Variants in GFPT1 observed in about 807,000 individuals in gnomAD.
GFPT1 encodes the protein glutamine--fructose-6-phosphate transaminase 1, also known as glutamine--fructose-6-phosphate aminotransferase [isomerizing] 1.
A neutral mutation model predicts 92.0 loss-of-function variants in GFPT1; 40 were observed. That is an observed-to-expected ratio of 0.43 (90% CI 0.34 to 0.57). The LOEUF is 0.57. Ranked by LOEUF, GFPT1 falls within the 20% of genes least tolerant of loss-of-function variation. The pLI is 0.02. For synonymous variants in GFPT1, 269 were observed against 280.6 expected, an observed-to-expected ratio of 0.96 and a Z score of 0.41; for missense variants, 448 against 869.1, an observed-to-expected ratio of 0.52 and a Z score of 6.09.
At chr2:69,383,504 T>C (rs1672058287) in intron 1 of GFPT1, among the ~76,000 whole-genome samples, 1 of 152,234 alleles carries the variant, frequency 6.6e-6, no homozygotes, top group African/African-American at 2.4e-5. Context: ...CATTAGACAG[T>C]ATAATTACAA....
chr2:69,356,436 G>A (rs1027143363), intron 7 of GFPT1, 60 bp downstream of exon 7: 5 of 1,168,804 alleles, frequency 4.3e-6, no homozygotes, highest in Non-Finnish European at 6.5e-6. Flanking sequence ...AGTCTACGAA[G>A]AATAAACATG....
intron 15 of GFPT1, among the ~76,000 whole-genome samples, chr2:69,330,528 T>C (rs1317761292): frequency 6.6e-6 from 1 of 150,754 alleles, no homozygotes; most frequent in Non-Finnish European, 1.5e-5. Context: ...GATTTCCACC[T>C]TTGCCTATTG....
chr2:69,347,603 G>A (rs1016652085), intron 11 of GFPT1, among the ~76,000 whole-genome samples: 7 of 151,324 alleles, frequency 4.6e-5, no homozygotes, highest in South Asian at 2.1e-4. Flanking sequence ...TCAGCCTCCC[G>A]AGTAGCTGGG....
At chr2:69,349,926 C>T (rs1313922066) in intron 10 of GFPT1, 152 bp downstream of exon 10, 1 of 672,936 alleles carries the variant, frequency 1.5e-6, no homozygotes, top group African/African-American at 1.8e-5. Flanking sequence ...AGTGTCCTTA[C>T]AGCCCCATCT....
At position 69,339,965 on chromosome 2, in the gene GFPT1, T is replaced by G. The variant is rs916802631; in HGVS notation, c.1204-1400A>C. Reference sequence around the variant, plus strand: ...ATGTAAACCAAACCTTTTCACCCAGTTTATAATATAAATGTTACATTGGAA... The same window carrying G: ...ATGTAAACCAAACCTTTTCACCCAGGTTATAATATAAATGTTACATTGGAA... On this transcript the variant is annotated intron_variant, in intron 13 of 19. Coordinates refer to ENST00000357308, the MANE Select transcript of GFPT1 (RefSeq NM_001244710.2). Among the ~76,000 whole-genome samples the G allele has an allele frequency of 5.3e-5, 8 of 152,138 alleles. No homozygotes were observed. The East Asian group carries it at 1.5e-3, about 29-fold the overall frequency.
intron 17 of GFPT1, among the ~76,000 whole-genome samples, 170 bp downstream of exon 17, chr2:69,329,127 T>C (rs755485303): frequency 6.6e-6 from 1 of 152,232 alleles, no homozygotes; most frequent in Non-Finnish European, 1.5e-5. Flanking sequence ...GATTTTCACT[T>C]CTGAACAGAG....
Position 69,363,553 on chromosome 2 carries a change from T to C in GFPT1, c.341A>G (p.Lys114Arg). 6.2e-7 allele frequency: 1 copy of C among 1,614,164 alleles called. No individual in the cohort carries two copies. Among genetic ancestry groups the C allele is most frequent in the Non-Finnish European group, 8.5e-7 (1 of 1,179,980 alleles). The stretch of plus-strand genomic sequence containing the variant: ...AAAAAATCTTTCCATACCATTATTT[T>C]TATCAGAGCGCTGGGGGTGGCTATT... ...PVNSHPQRSD[K>R]NNEFIVIHNG... is the part of the protein sequence containing the mutation. Residue 114 changes from lysine (K) to arginine (R), a missense_variant, in exon 4 of 20, where the codon AAA becomes AGA. Lys to Arg is a conservative substitution (Grantham distance 26). Coordinates refer to ENST00000357308, the MANE Select transcript of GFPT1 (RefSeq NM_001244710.2).
intron 2 of GFPT1, among the ~76,000 whole-genome samples, chr2:69,371,815 C>T (rs1168468455): frequency 6.7e-6 from 1 of 148,798 alleles, no homozygotes; most frequent in African/African-American, 2.5e-5. Context: ...CCAGGCTGGG[C>T]GACAGAGCAA....
chr2:69,329,717 T>C lies in GFPT1; in HGVS notation c.1564A>G (p.Lys522Glu), dbSNP rs1670615912. The C allele has an allele frequency of 1.2e-6, 2 of 1,612,690 alleles. No homozygotes were observed. The highest frequency in any genetic ancestry group is 1.7e-5 in the Admixed American group (1 of 59,998). Residue 522 changes from lysine (K) to glutamate (E), a missense_variant, in exon 16 of 20, where the codon AAA (lysine) becomes GAA (glutamate). Physicochemically the swap from Lys to Glu is moderately conservative, Grantham distance 56. This residue lies in a region of GFPT1 where 73 missense variants were observed against 103.5 expected (regional missense o/e 0.71). Transcript: ENST00000357308. ...DDRISMQERR[K>E]EIMLGLKRLP... ...CGTTTCAATCCAAGCATGATCTCTT[T>C]GCGTCTTTCTTGCATGGAGATCCGA...
chr2:69,371,538 T>A (rs987668988), intron 2 of GFPT1: 1 of 151,890 alleles, frequency 6.6e-6, no homozygotes, highest in African/African-American at 2.4e-5. Context: ...AAAATTAAAA[T>A]TAAAAATAAA....
intron 1 of GFPT1, among the ~76,000 whole-genome samples, chr2:69,383,533 A>G (rs1173539652): frequency 6.6e-6 from 1 of 152,240 alleles, no homozygotes; most frequent in Non-Finnish European, 1.5e-5. Context: ...TGAAAAATTC[A>G]TTTTAGGATA....
intron 2 of GFPT1, among the ~76,000 whole-genome samples, chr2:69,370,367 T>C (rs1363529692): frequency 1.3e-5 from 2 of 152,132 alleles, no homozygotes; most frequent in Admixed American, 6.6e-5. Context: ...TAATTCAGCG[T>C]GATTATGAAT....
intron 6 of GFPT1, among the ~76,000 whole-genome samples, chr2:69,358,065 CAT>C (rs1671383223): frequency 6.6e-6 from 1 of 152,028 alleles, no homozygotes; most frequent in Non-Finnish European, 1.5e-5. Context: ...TGCATATATG[CAT>C]AGTTTTTAGA....
At chr2:69,368,960 A>T (rs1217081636) in intron 3 of GFPT1, among the ~76,000 whole-genome samples, 1 of 152,152 alleles carries the variant, frequency 6.6e-6, no homozygotes. Context: ...TCACTGACCA[A>T]ATATAATCAG....
At chr2:69,332,332 GAC>G (rs1670684823) in intron 15 of GFPT1, among the ~76,000 whole-genome samples, 1 of 127,514 alleles carries the variant, frequency 7.8e-6, no homozygotes, top group Non-Finnish European at 1.6e-5. Flanking sequence ...TTTTTTTTGA[GAC>G]ACAGTTTTGC....
intron 1 of GFPT1, among the ~76,000 whole-genome samples, chr2:69,374,454 C>G (rs889920156): frequency 6.6e-6 from 1 of 151,976 alleles, no homozygotes; most frequent in Non-Finnish European, 1.5e-5. Context: ...GCTGGGACTA[C>G]AGGTGCCTGC....
At chr2:69,358,571 G>T in intron 5 of GFPT1, 108 bp from the exon 6 acceptor site, 2 of 767,446 alleles carry the variant, frequency 2.6e-6, no homozygotes, top group Admixed American at 2.1e-5. Context: ...AATATTCTTT[G>T]AACACCATAT....
chr2:69,336,572 G>A (rs367850414), intron 15 of GFPT1, among the ~76,000 whole-genome samples: 1 of 150,234 alleles, frequency 6.7e-6, no homozygotes, highest in Admixed American at 6.6e-5. Context: ...GAAAAATATT[G>A]AGAAAACAAA....
intron 1 of GFPT1, among the ~76,000 whole-genome samples, chr2:69,383,212 T>C (rs1355994196): frequency 2.0e-5 from 3 of 152,198 alleles, no homozygotes; most frequent in African/African-American, 7.2e-5. Context: ...TAAAGTTAGG[T>C]ATATATTTAG....
Sources: allele counts gnomAD v4.1 joint callset (sites outside exome capture counted in the v4.1 genomes callset), GRCh38; gene constraint gnomAD v4.1.1; regional missense constraint gnomAD v4.1.1; transcripts MANE v1.5; gene names NCBI Gene and HGNC (gene_info 2026-07-23, HGNC 2026-07-21).